Variants in LRP1B observed in about 807,000 individuals in gnomAD.
The protein encoded by LRP1B is low-density lipoprotein receptor-related protein 1B.
Under a neutral mutation model 556.6 loss-of-function variants are expected in LRP1B, and 217 were observed. The observed-to-expected ratio is 0.39, with a 90% CI of 0.35 to 0.44. The LOEUF (loss-of-function observed/expected upper bound fraction) is 0.44, where lower values mean the gene tolerates loss of function less well. Ranked by LOEUF, LRP1B falls within the 20% of genes least tolerant of loss-of-function variation. The pLI, the probability that LRP1B is intolerant of heterozygous loss-of-function variation, is 1.00. For missense variants in LRP1B, 5,053 were observed against 5,620.8 expected (o/e 0.90, Z 3.23); for synonymous variants, 2,047 against 1,865.8 (o/e 1.10, Z -2.50).
chr2:141,361,533 C>A (rs190798970), intron 3 of LRP1B, among the ~76,000 whole-genome samples: 2 of 151,724 alleles, frequency 1.3e-5, no homozygotes, highest in Non-Finnish European at 2.9e-5. Context: ...TTTTAAAAAC[C>A]CTAAAGATTA....
chr2:140,946,951 T>C (rs1695566413), intron 20 of LRP1B, among the ~76,000 whole-genome samples: 1 of 152,156 alleles, frequency 6.6e-6, no homozygotes, highest in Non-Finnish European at 1.5e-5. Context: ...ATGTTCTTAC[T>C]TGTAAGTGGG....
intron 5 of LRP1B, among the ~76,000 whole-genome samples, chr2:141,243,845 C>T (rs16845683): frequency 9.5e-4 from 144 of 152,194 alleles, no homozygotes; most frequent in African/African-American, 3.3e-3. Flanking sequence ...AATGAAAAGG[C>T]CTCCTGTCTA....
chr2:140,339,228 T>C (rs1022221214), intron 77 of LRP1B, among the ~76,000 whole-genome samples: 1 of 151,500 alleles, frequency 6.6e-6, no homozygotes, highest in Non-Finnish European at 1.5e-5. Flanking sequence ...TAGGTGTAGA[T>C]TGTAAGGTAT....
chr2:141,685,930 T>C lies in LRP1B; in HGVS notation c.205+124349A>G, dbSNP rs116850580. Among the ~76,000 whole-genome samples, 320 of 152,192 alleles carry C rather than the reference T, an allele frequency of 2.1e-3. 3 individuals carry two copies. Among genetic ancestry groups the C allele is most frequent in the Admixed American group, 0.017 (261 of 15,246 alleles). On this transcript the variant is annotated intron_variant, in intron 2 of 90. Transcript: ENST00000389484. ...TAGCAAGTTTCCAGTTGGAACAGCATTGTAAAACATTCAAGTACATACACT... is the reference window on the plus strand; with the variant it reads ...TAGCAAGTTTCCAGTTGGAACAGCACTGTAAAACATTCAAGTACATACACT...
chr2:141,948,299 A>AAAAT (rs942562774), intron 1 of LRP1B, among the ~76,000 whole-genome samples: 3 of 152,016 alleles, frequency 2.0e-5, no homozygotes, highest in South Asian at 4.1e-4. Flanking sequence ...ACTCCATTTT[A>AAAAT]AAATAAATAA....
intron 43 of LRP1B, among the ~76,000 whole-genome samples, chr2:140,549,095 A>G (rs577640598): frequency 3.3e-5 from 5 of 152,212 alleles, no homozygotes; most frequent in Non-Finnish European, 7.4e-5. Context: ...CAGAATATAT[A>G]AGTAATTTCT....
intron 84 of LRP1B, among the ~76,000 whole-genome samples, chr2:140,275,672 C>T (rs1682641697): frequency 1.3e-5 from 2 of 151,998 alleles, no homozygotes; most frequent in Admixed American, 1.3e-4. Flanking sequence ...ACTGATCCAT[C>T]ATTCATGGGG....
intron 3 of LRP1B, among the ~76,000 whole-genome samples, chr2:141,446,782 C>T (rs1681207849): frequency 2.6e-5 from 4 of 152,308 alleles, no homozygotes; most frequent in South Asian, 2.1e-4. Context: ...GAGAGACCCA[C>T]TCTTAGTCTG....
rs144463272 is a variant in LRP1B, at chr2:141,349,980, G to A, written c.344-95339C>T. 9.2e-5 allele frequency among the ~76,000 whole-genome samples: 14 copies of A among 152,192 alleles called. No individual in the cohort carries two copies. In the East Asian group the frequency reaches 2.7e-3, roughly 29 times the overall value. Reference sequence around the variant, plus strand: ...CTTACAGTTCCACGTGGCTGGGGAGGCCACACAATCATGCCAGAAGGTGAA... The same window carrying A: ...CTTACAGTTCCACGTGGCTGGGGAGACCACACAATCATGCCAGAAGGTGAA... On this transcript the variant is annotated intron_variant, in intron 3 of 90. Transcript: ENST00000389484.
chr2:141,996,712 T>TA (rs1475337893), intron 1 of LRP1B, among the ~76,000 whole-genome samples: 1 of 86,188 alleles, frequency 1.2e-5, no homozygotes. Context: ...AATTTTTTCT[T>TA]TCCCCCCCCC....
intron 43 of LRP1B, among the ~76,000 whole-genome samples, chr2:140,560,717 T>A (rs942968496): frequency 6.6e-6 from 1 of 152,162 alleles, no homozygotes; most frequent in African/African-American, 2.4e-5. Flanking sequence ...TATAATACAG[T>A]AAAATCCCAT....
chr2:141,230,266 T>C (rs769489259), intron 5 of LRP1B, among the ~76,000 whole-genome samples: 5 of 152,204 alleles, frequency 3.3e-5, no homozygotes, highest in Non-Finnish European at 5.9e-5. Context: ...CTTTAATTCA[T>C]CTGTATCTAA....
chr2:140,521,077 T>C (rs560278252), intron 49 of LRP1B, among the ~76,000 whole-genome samples: 2 of 152,088 alleles, frequency 1.3e-5, no homozygotes, highest in Admixed American at 1.3e-4. Context: ...CTATGACTTA[T>C]TGAGATTCAT....
chr2:140,775,721 GA>G (rs1364993952), intron 33 of LRP1B, among the ~76,000 whole-genome samples: 1 of 152,084 alleles, frequency 6.6e-6, no homozygotes, highest in East Asian at 1.9e-4. Context: ...TAGTGCTTTG[GA>G]TATGGAATTC....
intron 1 of LRP1B, among the ~76,000 whole-genome samples, chr2:141,827,776 T>A (rs1018008307): frequency 6.6e-6 from 1 of 152,146 alleles, no homozygotes; most frequent in African/African-American, 2.4e-5. Context: ...TTTATATTCA[T>A]CATACTTTCT....
chr2:142,038,487 T>C (rs1489183183), intron 1 of LRP1B, among the ~76,000 whole-genome samples: 1 of 151,578 alleles, frequency 6.6e-6, no homozygotes, highest in East Asian at 1.9e-4. Context: ...GTAATAGCAA[T>C]AGTGAACAAC....
At chr2:140,820,912 T>TAA (rs5834782) in intron 31 of LRP1B, among the ~76,000 whole-genome samples, 7,116 of 143,670 alleles carry the variant, frequency 0.05, 527 homozygotes, top group African/African-American at 0.17. Context: ...GTTGCTTCTT[T>TAA]AAAAAAAAAA....
At chr2:141,448,495 T>C (rs1285926700) in intron 3 of LRP1B, among the ~76,000 whole-genome samples, 1 of 152,210 alleles carries the variant, frequency 6.6e-6, no homozygotes, top group Non-Finnish European at 1.5e-5. Context: ...GCTTGGTGTC[T>C]GCCTAAAAGG....
At chr2:140,783,420 C>T (rs1689769640) in intron 32 of LRP1B, among the ~76,000 whole-genome samples, 1 of 151,960 alleles carries the variant, frequency 6.6e-6, no homozygotes, top group African/African-American at 2.4e-5. Flanking sequence ...AACTGGGTGT[C>T]TTGTATTTTA....
Sources: allele counts gnomAD v4.1 joint callset (sites outside exome capture counted in the v4.1 genomes callset), GRCh38; gene constraint gnomAD v4.1.1; transcripts MANE v1.5; gene names NCBI Gene and HGNC (gene_info 2026-07-23, HGNC 2026-07-21).